HSD17B2: variants seen among roughly 807,000 people sequenced by gnomAD.
The protein encoded by HSD17B2 is 17-beta-hydroxysteroid dehydrogenase type 2.
Under a neutral mutation model 26.9 loss-of-function variants are expected in HSD17B2, and 32 were observed. The observed-to-expected ratio is 1.19, with a 90% confidence interval of 0.90 to 1.60. The LOEUF is 1.60. Among genes scored for constraint, HSD17B2 ranks in the 40% most tolerant of loss-of-function variants. HSD17B2 has a pLI of 0.00. For synonymous variants in HSD17B2, 246 were observed against 186.7 expected (o/e 1.32, Z -2.59); for missense variants, 613 against 468.6 (o/e 1.31, Z -2.85).
At chr16:82,056,118 G>A (rs896182990) in intron 1 of HSD17B2, among the ~76,000 whole-genome samples, 15 of 152,200 alleles carry the variant, frequency 9.9e-5, no homozygotes, top group African/African-American at 3.4e-4. Flanking sequence ...GGCTGAGTGA[G>A]TTTTTGGTCA....
chr16:82,086,710 G>T (rs1904537142), intron 3 of HSD17B2, among the ~76,000 whole-genome samples: 1 of 152,198 alleles, frequency 6.6e-6, no homozygotes. Flanking sequence ...ATTGATTAAG[G>T]CAGGTCTTGT....
intron 1 of HSD17B2, among the ~76,000 whole-genome samples, chr16:82,063,473 A>T (rs1482328992): frequency 6.6e-6 from 1 of 152,118 alleles, no homozygotes; most frequent in Non-Finnish European, 1.5e-5. Flanking sequence ...CCATTCGCCT[A>T]TGCCACACTG....
intron 1 of HSD17B2, among the ~76,000 whole-genome samples, chr16:82,039,300 T>C (rs1258481940): frequency 2.0e-5 from 3 of 151,336 alleles, no homozygotes; most frequent in African/African-American, 7.3e-5. Flanking sequence ...CCCCTGCATA[T>C]GTTATACTAC....
intron 3 of HSD17B2, chr16:82,090,079 C>A: frequency 4.6e-6 from 1 of 217,332 alleles, no homozygotes; most frequent in Non-Finnish European, 7.9e-6. Context: ...TTTCTCACAT[C>A]CTCTTAAAGA....
chr16:82,097,907 A>T, intron 4 of HSD17B2, 168 bp from the exon 5 acceptor site: 1 of 563,746 alleles, frequency 1.8e-6, no homozygotes, highest in Non-Finnish European at 2.8e-6. Context: ...CACTGCACTT[A>T]AGCCTGAGAG....
At chr16:82,074,262 C>A (rs530830172) in intron 3 of HSD17B2, among the ~76,000 whole-genome samples, 288 of 152,284 alleles carry the variant, frequency 1.9e-3, no homozygotes, top group African/African-American at 6.7e-3. Flanking sequence ...CTTTCTCCCA[C>A]CCACTCACCA....
chr16:82,039,633 A>C (rs190309437), intron 1 of HSD17B2, among the ~76,000 whole-genome samples: 6 of 152,290 alleles, frequency 3.9e-5, no homozygotes, highest in African/African-American at 1.2e-4. Flanking sequence ...CATTCACTGG[A>C]GTTCCTTCCC....
In HSD17B2 at chr16:82,085,480, G is replaced by A. The variant is rs77906217; in HGVS notation, c.665-5422G>A. On this transcript the variant is annotated intron_variant, in intron 3 of 4. Transcript: ENST00000199936. Reference sequence around the variant, plus strand: ...GTTTGTGTAACTGGTAAGTGATAAAGTCAGGATATGAACCGGGATCTGTTT... The same window carrying A: ...GTTTGTGTAACTGGTAAGTGATAAAATCAGGATATGAACCGGGATCTGTTT... 6.3e-3 allele frequency among the ~76,000 whole-genome samples: 966 copies of A among 152,190 alleles called. 14 individuals are homozygous for A. The highest frequency in any genetic ancestry group is 0.022 in the African/African-American group (933 of 41,524).
intron 2 of HSD17B2, chr16:82,070,731 A>G (rs1914678472): frequency 3.5e-6 from 2 of 575,540 alleles, no homozygotes; most frequent in African/African-American, 3.7e-5. Context: ...TCTACTTTAC[A>G]TCTCTGCACA....
chr16:82,097,280 G>T (rs1373396091), intron 4 of HSD17B2: 1 of 103,412 alleles, frequency 9.7e-6, no homozygotes, highest in Non-Finnish European at 2.4e-5. Context: ...GTGTGTGTAT[G>T]TGTGTGTGTG....
chr16:82,070,565 A>T (rs1003088442), intron 2 of HSD17B2, among the ~76,000 whole-genome samples: 7 of 152,254 alleles, frequency 4.6e-5, no homozygotes, highest in African/African-American at 1.7e-4. Flanking sequence ...TGGGGAATTT[A>T]TCAGTGGTTT....
At chr16:82,059,618 G>A (rs1181873237) in intron 1 of HSD17B2, among the ~76,000 whole-genome samples, 4 of 152,120 alleles carry the variant, frequency 2.6e-5, no homozygotes, top group Non-Finnish European at 5.9e-5. Flanking sequence ...TTCTGTGGGT[G>A]GGTGTTTTTA....
Position 82,098,452 on chromosome 16 carries a change from A to G in HSD17B2, c.*16A>G. Reference sequence around the variant, plus strand: ...GGCCACCTAGGCAATGGAAGCCCTCAAAGAAGTCGGAATGTCATAGTCTTG... The same window carrying G: ...GGCCACCTAGGCAATGGAAGCCCTCGAAGAAGTCGGAATGTCATAGTCTTG... On this transcript the variant is annotated 3_prime_UTR_variant, in exon 5 of 5. Transcript: ENST00000199936. The G allele has an allele frequency of 6.4e-7, 1 of 1,571,056 alleles. No individual in the cohort carries two copies. The highest frequency in any genetic ancestry group is 8.6e-7 in the Non-Finnish European group (1 of 1,161,560).
intron 3 of HSD17B2, among the ~76,000 whole-genome samples, chr16:82,081,403 G>T (rs1904376933): frequency 6.6e-6 from 1 of 151,838 alleles, no homozygotes; most frequent in Non-Finnish European, 1.5e-5. Context: ...TCTACCCCAG[G>T]CTATGCTCTA....
chr16:82,091,090 G>A (rs527694905), intron 4 of HSD17B2, 51 bp downstream of exon 4: 8 of 1,585,728 alleles, frequency 5.0e-6, no homozygotes, highest in South Asian at 3.3e-5. Context: ...AAGGAACCCC[G>A]AAGGTCCTCT....
At chr16:82,067,099 C>G (rs1239293225) in intron 1 of HSD17B2, among the ~76,000 whole-genome samples, 1 of 152,130 alleles carries the variant, frequency 6.6e-6, no homozygotes, top group Non-Finnish European at 1.5e-5. Flanking sequence ...ATTTCAGGCC[C>G]CTGTTGTTAG....
At chr16:82,075,851 C>T (rs1267222152) in intron 3 of HSD17B2, among the ~76,000 whole-genome samples, 1 of 150,758 alleles carries the variant, frequency 6.6e-6, no homozygotes, top group East Asian at 1.9e-4. Flanking sequence ...GGGAATACTT[C>T]CAAACTCATC....
chr16:82,068,438 G>A (rs979542197), intron 2 of HSD17B2, 56 bp downstream of exon 2: 9 of 1,458,418 alleles, frequency 6.2e-6, no homozygotes, highest in Non-Finnish European at 8.5e-6. Flanking sequence ...CCCAGCTCTT[G>A]TTCCGGCTTA....
chr16:82,092,437 C>A (rs541185081), intron 4 of HSD17B2: 2 of 152,288 alleles, frequency 1.3e-5, no homozygotes, highest in South Asian at 4.1e-4. Context: ...TAAAAGACCA[C>A]AGACTGGGAG....
Sources: gnomAD v4.1 joint callset for allele counts (sites outside exome capture counted in the v4.1 genomes callset) on GRCh38, gnomAD v4.1.1 for gene constraint, MANE v1.5 for transcripts, NCBI Gene and HGNC (gene_info 2026-07-23, HGNC 2026-07-21) for gene names.